Variants in PPP1R9A observed in about 807,000 individuals in gnomAD.
The protein encoded by PPP1R9A is protein phosphatase 1 regulatory subunit 9A.
A neutral mutation model predicts 141.9 loss-of-function variants in PPP1R9A; 59 were observed. That is an observed-to-expected ratio of 0.42 (90% confidence interval 0.34 to 0.52). PPP1R9A has a LOEUF of 0.52. PPP1R9A is among the 20% of genes least tolerant of loss of function. PPP1R9A has a pLI of 0.10. For synonymous variants in PPP1R9A, 500 were observed against 569.7 expected, an observed-to-expected ratio of 0.88 and a Z score of 1.74; for missense variants, 1,444 against 1,611.9, an observed-to-expected ratio of 0.90 and a Z score of 1.78.
At chr7:95,192,559 A>G (rs1461007254) in intron 5 of PPP1R9A, among the ~76,000 whole-genome samples, 1 of 152,066 alleles carries the variant, frequency 6.6e-6, no homozygotes, top group Non-Finnish European at 1.5e-5. Context: ...CATTTATTAA[A>G]CACTCACTAA....
intron 2 of PPP1R9A, among the ~76,000 whole-genome samples, chr7:94,956,149 A>G (rs928342469): frequency 6.6e-6 from 1 of 152,026 alleles, no homozygotes; most frequent in African/African-American, 2.4e-5. Context: ...GGCATGTTTA[A>G]TTTTCTCAGA....
intron 2 of PPP1R9A, among the ~76,000 whole-genome samples, chr7:94,996,447 G>T (rs571041583): frequency 6.6e-6 from 1 of 152,224 alleles, no homozygotes; most frequent in East Asian, 1.9e-4. Context: ...ACTTTTTAAA[G>T]AACTCCTACA....
intron 2 of PPP1R9A, among the ~76,000 whole-genome samples, chr7:95,012,077 A>G (rs1804501329): frequency 1.3e-5 from 2 of 152,182 alleles, no homozygotes; most frequent in South Asian, 4.1e-4. Context: ...AATAGTTTCT[A>G]AATAGTTTCC....
chr7:95,005,235 A>G (rs1250036395), intron 2 of PPP1R9A, among the ~76,000 whole-genome samples: 4 of 152,010 alleles, frequency 2.6e-5, no homozygotes, highest in Non-Finnish European at 5.9e-5. Flanking sequence ...CTTTGTAATT[A>G]TATGATATAA....
In PPP1R9A at chr7:95,134,675, T is replaced by G. The variant is rs60110869; in HGVS notation, c.1649+13843T>G. Among the ~76,000 whole-genome samples, 284 of 152,278 alleles carry G rather than the reference T, an allele frequency of 1.9e-3. 6 individuals carry two copies. In the East Asian group the frequency reaches 0.049, roughly 26 times the overall value. On this transcript the variant is annotated intron_variant, in intron 4 of 19. Transcript: ENST00000433360. ...GTCTCAAACTCCCGACCTCAGGTGA[T>G]GTACCCACCTTGGCCCCCCAAAGTG...
chr7:95,116,886 A>G (rs1291279767), intron 3 of PPP1R9A, among the ~76,000 whole-genome samples: 1 of 152,218 alleles, frequency 6.6e-6, no homozygotes, highest in Non-Finnish European at 1.5e-5. Flanking sequence ...TATGACACAC[A>G]TGATATTTCA....
At chr7:95,205,498 A>G (rs1790592082) in intron 7 of PPP1R9A, among the ~76,000 whole-genome samples, 1 of 152,228 alleles carries the variant, frequency 6.6e-6, no homozygotes, top group Non-Finnish European at 1.5e-5. Flanking sequence ...TTAAAAACAT[A>G]TATTTTATTA....
intron 2 of PPP1R9A, among the ~76,000 whole-genome samples, chr7:95,028,157 G>A (rs1212153010): frequency 6.6e-6 from 1 of 152,084 alleles, no homozygotes; most frequent in African/African-American, 2.4e-5. Flanking sequence ...AGTCTTTCAG[G>A]ATTCAGAATC....
chr7:94,960,136 C>T, intron 2 of PPP1R9A, among the ~76,000 whole-genome samples: 1 of 149,756 alleles, frequency 6.7e-6, no homozygotes, highest in East Asian at 1.9e-4. Flanking sequence ...CTTTAAAGAT[C>T]CTTGAACTAT....
At chr7:95,046,734 T>C (rs1001225463) in intron 2 of PPP1R9A, among the ~76,000 whole-genome samples, 8 of 152,216 alleles carry the variant, frequency 5.3e-5, no homozygotes, top group African/African-American at 1.9e-4. Context: ...TTCTTTTTCA[T>C]ACCAGCTTTC....
chr7:95,126,576 A>G (rs1056506361), intron 4 of PPP1R9A, among the ~76,000 whole-genome samples: 2 of 152,112 alleles, frequency 1.3e-5, no homozygotes, highest in Admixed American at 6.5e-5. Context: ...GAAACAGGCT[A>G]TTTCCTCTGC....
intron 2 of PPP1R9A, among the ~76,000 whole-genome samples, chr7:94,940,202 A>G (rs987864520): frequency 6.6e-6 from 1 of 152,092 alleles, no homozygotes; most frequent in Non-Finnish European, 1.5e-5. Flanking sequence ...TAACATCTTG[A>G]GGAGGCTGCT....
chr7:95,052,963 A>G (rs557144342), intron 2 of PPP1R9A, among the ~76,000 whole-genome samples: 2 of 152,270 alleles, frequency 1.3e-5, no homozygotes, highest in Admixed American at 6.5e-5. Flanking sequence ...GAAAAGCTCA[A>G]AAGCCTGGGA....
chr7:95,192,570 G>A (rs1241574917), intron 5 of PPP1R9A, among the ~76,000 whole-genome samples: 1 of 151,926 alleles, frequency 6.6e-6, no homozygotes, highest in Non-Finnish European at 1.5e-5. Flanking sequence ...CACTCACTAA[G>A]CACCAGATAC....
At chr7:95,118,491 G>T (rs1342520405) in intron 3 of PPP1R9A, among the ~76,000 whole-genome samples, 2 of 152,038 alleles carry the variant, frequency 1.3e-5, no homozygotes, top group African/African-American at 4.8e-5. Context: ...CTCATCCAGG[G>T]GAAACACTGT....
intron 8 of PPP1R9A, among the ~76,000 whole-genome samples, chr7:95,234,295 A>T (rs1025245530): frequency 7.9e-5 from 12 of 152,186 alleles, no homozygotes; most frequent in African/African-American, 2.7e-4. Context: ...CTCATCCAAA[A>T]AGTTCCTAGA....
chr7:95,272,418 A>G (rs989096898), intron 14 of PPP1R9A, among the ~76,000 whole-genome samples: 1 of 152,210 alleles, frequency 6.6e-6, no homozygotes, highest in Non-Finnish European at 1.5e-5. Context: ...ATTTTTTTAT[A>G]TGATTGTGTC....
At position 95,266,950 on chromosome 7, in the gene PPP1R9A, T is replaced by G. The variant is rs558522803; in HGVS notation, c.2666-1600T>G. Reference sequence around the variant, plus strand: ...AGGAATTATTTTTTCTCCCCTGACATGTAAAAAGTAAAGAGACTGCTAATT... The same window carrying G: ...AGGAATTATTTTTTCTCCCCTGACAGGTAAAAAGTAAAGAGACTGCTAATT... On this transcript the variant is annotated intron_variant, in intron 12 of 19. Coordinates refer to ENST00000433360, the MANE Select transcript of PPP1R9A (RefSeq NM_001166160.2). 8.5e-5 allele frequency among the ~76,000 whole-genome samples: 13 copies of G among 152,204 alleles called. No homozygotes were observed. In the South Asian group the frequency reaches 2.5e-3, roughly 29 times the overall value.
At chr7:94,925,012 A>G (rs1012683769) in intron 2 of PPP1R9A, among the ~76,000 whole-genome samples, 2 of 152,190 alleles carry the variant, frequency 1.3e-5, no homozygotes, top group African/African-American at 4.8e-5. Context: ...TATTTAACTT[A>G]GCTGGCATAT....
Sources: gnomAD v4.1 joint callset for allele counts (sites outside exome capture counted in the v4.1 genomes callset) on GRCh38, gnomAD v4.1.1 for gene constraint, MANE v1.5 for transcripts, NCBI Gene and HGNC (gene_info 2026-07-23, HGNC 2026-07-21) for gene names.